The following AUTS2 variants were observed in gnomAD, a reference collection of about 807,000 sequenced individuals.
The protein encoded by AUTS2 is autism susceptibility gene 2 protein.
Under a neutral mutation model 112.4 loss-of-function variants are expected in AUTS2, and 17 were observed. That is an observed-to-expected ratio of 0.15 (90% CI 0.10 to 0.23). The LOEUF is 0.23. Ranked by LOEUF, AUTS2 falls within the 10% of genes least tolerant of loss-of-function variation. AUTS2 has a pLI of 1.00. For missense variants in AUTS2, 1,510 were observed against 1,701.6 expected (o/e 0.89, Z 1.98); for synonymous variants, 751 against 702.7 (o/e 1.07, Z -1.09).
At chr7:70,148,620 G>A (rs184487048) in intron 4 of AUTS2, among the ~76,000 whole-genome samples, 110 of 151,712 alleles carry the variant, frequency 7.3e-4, no homozygotes, top group African/African-American at 2.5e-3. Flanking sequence ...TAAGTACCTG[G>A]TGCAGTTTTT....
chr7:70,117,990 C>A, intron 2 of AUTS2, 142 bp from the exon 3 acceptor site: 1 of 1,048,588 alleles, frequency 9.5e-7, no homozygotes, highest in Non-Finnish European at 1.3e-6. Flanking sequence ...CCTCGTGATC[C>A]TCCTACCTCT....
chr7:70,324,367 A>G lies in AUTS2; in HGVS notation c.661-111385A>G, dbSNP rs114389630. Among the ~76,000 whole-genome samples, 249 of 152,274 alleles carry G rather than the reference A, an allele frequency of 1.6e-3. 1 individual carries two copies. Among genetic ancestry groups the G allele is most frequent in the African/African-American group, 5.8e-3 (240 of 41,546 alleles). On this transcript the variant is annotated intron_variant, in intron 4 of 18. Coordinates refer to ENST00000342771, the MANE Select transcript of AUTS2 (RefSeq NM_015570.4). ...AAGCTATCACTGCAAATATTTTTGTATTCATTGAAAAAAAATTGCCAAGGC... is the reference window on the plus strand; with the variant it reads ...AAGCTATCACTGCAAATATTTTTGTGTTCATTGAAAAAAAATTGCCAAGGC...
At chr7:70,215,394 A>C (rs1418528145) in intron 4 of AUTS2, among the ~76,000 whole-genome samples, 1 of 152,226 alleles carries the variant, frequency 6.6e-6, no homozygotes, top group Non-Finnish European at 1.5e-5. Flanking sequence ...CATAATTAGC[A>C]AAGTTCCACA....
intron 5 of AUTS2, among the ~76,000 whole-genome samples, chr7:70,515,437 G>A (rs1799376723): frequency 6.6e-6 from 1 of 152,146 alleles, no homozygotes; most frequent in South Asian, 2.1e-4. Flanking sequence ...AGAATTCAGT[G>A]GAGCATTTTA....
At chr7:70,479,416 A>G (rs999648809) in intron 5 of AUTS2, among the ~76,000 whole-genome samples, 3 of 152,158 alleles carry the variant, frequency 2.0e-5, no homozygotes, top group Non-Finnish European at 4.4e-5. Context: ...GACAGTGAGC[A>G]CTGCCACTTC....
At chr7:69,625,502 GC>G (rs1793901845) in intron 1 of AUTS2, among the ~76,000 whole-genome samples, 1 of 152,004 alleles carries the variant, frequency 6.6e-6, no homozygotes, top group South Asian at 2.1e-4. Flanking sequence ...TTTTGGCGGG[GC>G]AGGGGCTGGG....
chr7:69,893,925 G>C (rs1421715090), intron 1 of AUTS2, among the ~76,000 whole-genome samples: 1 of 152,158 alleles, frequency 6.6e-6, no homozygotes, highest in African/African-American at 2.4e-5. Context: ...ATTGTAATTT[G>C]GGAGAAGGGA....
chr7:70,582,917 T>C (rs1259640876), intron 5 of AUTS2, among the ~76,000 whole-genome samples: 1 of 152,230 alleles, frequency 6.6e-6, no homozygotes, highest in African/African-American at 2.4e-5. Flanking sequence ...TTAGCAAAAG[T>C]ATGTCTAGAC....
At chr7:70,245,163 TATATATAAAA>T (rs1812849233) in intron 4 of AUTS2, among the ~76,000 whole-genome samples, 1 of 138,426 alleles carries the variant, frequency 7.2e-6, no homozygotes, top group African/African-American at 2.7e-5. Context: ...TATATATATA[TATATATAAAA>T]AATAAAAAAT....
intron 2 of AUTS2, among the ~76,000 whole-genome samples, chr7:69,911,992 T>C (rs1795378878): frequency 6.6e-6 from 1 of 152,160 alleles, no homozygotes; most frequent in Non-Finnish European, 1.5e-5. Context: ...ACTCAGGCTG[T>C]TGATGCCAAG....
At chr7:70,093,243 C>T (rs778842288) in intron 2 of AUTS2, among the ~76,000 whole-genome samples, 151 of 152,292 alleles carry the variant, frequency 9.9e-4, no homozygotes, top group Middle Eastern at 6.8e-3. Flanking sequence ...GCTCCATTTC[C>T]AGACTCGGCA....
intron 1 of AUTS2, among the ~76,000 whole-genome samples, chr7:69,665,069 G>A (rs983269717): frequency 1.3e-5 from 2 of 152,142 alleles, no homozygotes; most frequent in Non-Finnish European, 2.9e-5. Context: ...GTAAAACAGG[G>A]TTGGTAAAAT....
chr7:69,751,555 AG>A (rs532651985), intron 1 of AUTS2, among the ~76,000 whole-genome samples: 3 of 152,172 alleles, frequency 2.0e-5, no homozygotes, highest in Non-Finnish European at 4.4e-5. Context: ...GAAGGTAAGA[AG>A]GGTAGATGAA....
At chr7:69,953,999 A>G (rs1797124980) in intron 2 of AUTS2, among the ~76,000 whole-genome samples, 1 of 152,130 alleles carries the variant, frequency 6.6e-6, no homozygotes, top group Non-Finnish European at 1.5e-5. Flanking sequence ...GGTGGAGCCT[A>G]TGACAGACTG....
At chr7:70,109,178 T>A (rs554474454) in intron 2 of AUTS2, among the ~76,000 whole-genome samples, 1 of 152,262 alleles carries the variant, frequency 6.6e-6, no homozygotes, top group South Asian at 2.1e-4. Flanking sequence ...AAACAGAAAA[T>A]CATAAAAAGT....
At chr7:70,388,449 A>G (rs897294037) in intron 4 of AUTS2, among the ~76,000 whole-genome samples, 4 of 152,200 alleles carry the variant, frequency 2.6e-5, no homozygotes, top group Admixed American at 2.6e-4. Context: ...GATGTAAAAA[A>G]CTAAACTTGT....
rs371403188 is a variant in AUTS2 at position 69,818,369 on chromosome 7, G to A, written c.310-80917G>A. Among the ~76,000 whole-genome samples, 13 of 152,300 alleles carry A rather than the reference G, an allele frequency of 8.5e-5. 1 individual carries two copies. In the Middle Eastern group the frequency reaches 0.01, roughly 120 times the overall value. On this transcript the variant is annotated intron_variant, in intron 1 of 18. Transcript: ENST00000342771. ...GTTGTGGCAAAAATGATAATAAATA[G>A]AGAGCTGGTGAGGGTAGATTTTGAT...
intron 2 of AUTS2, among the ~76,000 whole-genome samples, chr7:69,980,926 A>G (rs562250626): frequency 6.6e-6 from 1 of 152,254 alleles, no homozygotes; most frequent in Non-Finnish European, 1.5e-5. Context: ...TTCATTGACC[A>G]CAGTTGTCTA....
chr7:69,974,350 A>AT (rs1797972861), intron 2 of AUTS2, among the ~76,000 whole-genome samples: 1 of 146,890 alleles, frequency 6.8e-6, no homozygotes, highest in African/African-American at 2.5e-5. Context: ...AATTTTATTG[A>AT]TTTTTTTCAA....
Sources: gnomAD v4.1 joint callset for allele counts (sites outside exome capture counted in the v4.1 genomes callset) on GRCh38, gnomAD v4.1.1 for gene constraint, MANE v1.5 for transcripts, NCBI Gene and HGNC (gene_info 2026-07-23, HGNC 2026-07-21) for gene names.